The following CLNK variants were observed in gnomAD, a reference collection of about 807,000 sequenced individuals.
The protein encoded by CLNK is cytokine-dependent hematopoietic cell linker.
CLNK carries 74 observed loss-of-function variants against 68.6 expected under a neutral mutation model. The observed-to-expected ratio is 1.08, with a 90% confidence interval of 0.89 to 1.31. CLNK has a LOEUF of 1.31. Ranked by LOEUF, CLNK falls within the 50% of genes most tolerant of loss-of-function variation. The pLI is 0.00. For synonymous variants in CLNK, 198 were observed against 172.2 expected (o/e 1.15, Z -1.17); for missense variants, 553 against 515.3 (o/e 1.07, Z -0.71).
chr4:10,702,631 G>T, the CLNK span, among the ~76,000 whole-genome samples: 3 of 152,192 alleles, frequency 2.0e-5, no homozygotes, highest in Admixed American at 6.5e-5. Context: ...GCATTCTGGA[G>T]GAGGTAGTCG....
At chr4:10,509,600 A>G (rs1367717699) in intron 16 of CLNK, among the ~76,000 whole-genome samples, 1 of 151,412 alleles carries the variant, frequency 6.6e-6, no homozygotes, top group Admixed American at 6.6e-5. Flanking sequence ...TCTCAGCTCA[A>G]TGCAACCTCT....
chr4:10,503,703 T>A (rs937185195), intron 17 of CLNK, among the ~76,000 whole-genome samples: 1 of 150,280 alleles, frequency 6.7e-6, no homozygotes. Context: ...AGTGATGTTA[T>A]GATGATACTG....
the CLNK span, among the ~76,000 whole-genome samples, chr4:10,730,294 C>G: frequency 6.6e-6 from 1 of 152,132 alleles, no homozygotes; most frequent in Admixed American, 6.5e-5. Context: ...TAAGTGATAC[C>G]AGCATGCCCT....
At chr4:10,710,603 C>T in the CLNK span, among the ~76,000 whole-genome samples, 1 of 152,172 alleles carries the variant, frequency 6.6e-6, no homozygotes, top group South Asian at 2.1e-4. Flanking sequence ...CCCCATTTGA[C>T]AGTGGAAGAG....
the CLNK span, among the ~76,000 whole-genome samples, chr4:10,698,565 C>A: frequency 6.6e-6 from 1 of 152,174 alleles, no homozygotes; most frequent in Non-Finnish European, 1.5e-5. Flanking sequence ...TGCTCAGATC[C>A]ACCTGTCCCT....
chr4:10,499,135 C>G (rs561477191), intron 18 of CLNK, among the ~76,000 whole-genome samples: 10 of 152,260 alleles, frequency 6.6e-5, no homozygotes, highest in African/African-American at 2.4e-4. Context: ...CTTCCCCTTC[C>G]TCTCCACTTT....
chr4:10,618,357 G>T (rs940468650), intron 2 of CLNK, among the ~76,000 whole-genome samples: 2 of 152,174 alleles, frequency 1.3e-5, no homozygotes, highest in African/African-American at 4.8e-5. Context: ...GTAATTGCCT[G>T]GGGAAGTGGG....
At chr4:10,639,451 G>A (rs940045891) in intron 2 of CLNK, among the ~76,000 whole-genome samples, 1 of 152,184 alleles carries the variant, frequency 6.6e-6, no homozygotes, top group African/African-American at 2.4e-5. Context: ...CTCTCAGCTT[G>A]GGAACCAACT....
chr4:10,579,895 T>C (rs1720712939), intron 4 of CLNK, among the ~76,000 whole-genome samples: 1 of 152,212 alleles, frequency 6.6e-6, no homozygotes, highest in African/African-American at 2.4e-5. Context: ...ATGACATGCC[T>C]GGTCAAACCA....
chr4:10,626,211 A>T (rs1722669409), intron 2 of CLNK, among the ~76,000 whole-genome samples: 1 of 152,172 alleles, frequency 6.6e-6, no homozygotes, highest in Admixed American at 6.5e-5. Context: ...CCTGCACCCC[A>T]TTGCTGCATC....
chr4:10,685,330 T>C (rs1214453852), upstream of CLNK, among the ~76,000 whole-genome samples: 3 of 152,310 alleles, frequency 2.0e-5, no homozygotes, highest in Admixed American at 2.0e-4. Context: ...AAATGAGGGA[T>C]AATTGAGGAT....
At chr4:10,522,054 C>T (rs1160392202) in intron 14 of CLNK, among the ~76,000 whole-genome samples, 2 of 151,646 alleles carry the variant, frequency 1.3e-5, no homozygotes, top group Admixed American at 6.6e-5. Flanking sequence ...GTCAGGAGAT[C>T]GAGACCATCC....
intron 1 of CLNK, among the ~76,000 whole-genome samples, chr4:10,672,224 A>T (rs1724675082): frequency 6.6e-6 from 1 of 152,178 alleles, no homozygotes; most frequent in Non-Finnish European, 1.5e-5. Flanking sequence ...AAACTGTGCT[A>T]GGTGTGAGTG....
At chr4:10,534,543 T>C (rs916000768) in intron 11 of CLNK, among the ~76,000 whole-genome samples, 14 of 152,212 alleles carry the variant, frequency 9.2e-5, no homozygotes, top group Admixed American at 7.2e-4. Context: ...TTAAATTCTC[T>C]CTCTGAAGCT....
At chr4:10,513,244 CCAGT>C (rs1457281062) in intron 16 of CLNK, among the ~76,000 whole-genome samples, 1 of 152,054 alleles carries the variant, frequency 6.6e-6, no homozygotes, top group East Asian at 1.9e-4. Context: ...TGGAAACATG[CCAGT>C]CAAAGAATCT....
the CLNK span, among the ~76,000 whole-genome samples, chr4:10,699,817 C>T: frequency 6.6e-6 from 1 of 151,860 alleles, no homozygotes; most frequent in African/African-American, 2.4e-5. Context: ...CCCCGCCACT[C>T]CATATATTTT....
At chr4:10,518,926 A>G (rs1163779281) in intron 15 of CLNK, among the ~76,000 whole-genome samples, 1 of 152,228 alleles carries the variant, frequency 6.6e-6, no homozygotes, top group Non-Finnish European at 1.5e-5. Context: ...TGATCCAGGC[A>G]TGAATTCATA....
chr4:10,684,846 G>T (rs1454777448), upstream of CLNK: 2 of 152,168 alleles, frequency 1.3e-5, no homozygotes, highest in Non-Finnish European at 2.9e-5. Flanking sequence ...TTTAGACTTG[G>T]TTTCCTGTGA....
intron 2 of CLNK, among the ~76,000 whole-genome samples, chr4:10,646,792 C>CTAT (rs1046745255): frequency 1.3e-5 from 2 of 152,086 alleles, no homozygotes; most frequent in African/African-American, 4.8e-5. Flanking sequence ...TTATTCTTAA[C>CTAT]TATTCATTAT....
Sources: gnomAD v4.1 joint callset for allele counts (sites outside exome capture counted in the v4.1 genomes callset) on GRCh38, gnomAD v4.1.1 for gene constraint, MANE v1.5 for transcripts, NCBI Gene and HGNC (gene_info 2026-07-23, HGNC 2026-07-21) for gene names.